INPP4B: variants seen among roughly 807,000 people sequenced by gnomAD.
INPP4B encodes inositol polyphosphate-4-phosphatase type II B.
INPP4B carries 55 observed loss-of-function variants against 122.5 expected under a neutral mutation model. The ratio of observed to expected loss-of-function variants is 0.45; its 90% CI spans 0.36 to 0.56. The LOEUF is 0.56. INPP4B is among the 20% of genes least tolerant of loss of function. The pLI, the probability that INPP4B is intolerant of heterozygous loss-of-function variation, is 0.00. For synonymous variants in INPP4B, 403 were observed against 388.7 expected, an observed-to-expected ratio of 1.04 and a Z score of -0.43; for missense variants, 1,000 against 1,097.7, an observed-to-expected ratio of 0.91 and a Z score of 1.26.
At chr4:142,490,582 C>A (rs1427986279) in intron 2 of INPP4B, among the ~76,000 whole-genome samples, 1 of 151,966 alleles carries the variant, frequency 6.6e-6, no homozygotes, top group Admixed American at 6.6e-5. Flanking sequence ...ATAATTTTAG[C>A]AATTTTCAAG....
intron 18 of INPP4B, among the ~76,000 whole-genome samples, chr4:142,137,792 C>T (rs1306255509): frequency 2.6e-5 from 4 of 151,696 alleles, no homozygotes; most frequent in African/African-American, 4.8e-5. Context: ...AAAATGCTCA[C>T]CATCACTGGC....
At chr4:142,525,400 T>C (rs899640291) in intron 2 of INPP4B, among the ~76,000 whole-genome samples, 1 of 133,276 alleles carries the variant, frequency 7.5e-6, no homozygotes, top group Non-Finnish European at 1.7e-5. Context: ...TTAAAGTTCA[T>C]ATGGAACCAA....
rs183343789 is a variant in INPP4B at position 142,245,875 on chromosome 4, T to C, written c.689-7864A>G. Among the ~76,000 whole-genome samples the C allele has an allele frequency of 3.6e-3, 75 of 20,914 alleles. 1 individual carries two copies. The highest frequency in any genetic ancestry group is 7.8e-3 in the African/African-American group (72 of 9,208). The allele number at this position is 20,914 out of a possible 152,430, so 13.7% of individuals were successfully genotyped here. ...GTATACATATATGTGTATGTATACATATATATGTGTATGTATACATATATG... is the reference window on the plus strand; with the variant it reads ...GTATACATATATGTGTATGTATACACATATATGTGTATGTATACATATATG... On this transcript the variant is annotated intron_variant, in intron 11 of 25. Transcript: ENST00000262992.
intron 2 of INPP4B, among the ~76,000 whole-genome samples, chr4:142,603,031 TG>T (rs1457523752): frequency 1.2e-4 from 18 of 152,110 alleles, no homozygotes; most frequent in African/African-American, 4.3e-4. Context: ...ATATACACCA[TG>T]GAATACTACA....
chr4:142,384,029 A>G, intron 7 of INPP4B: 1 of 700,506 alleles, frequency 1.4e-6, no homozygotes, highest in East Asian at 2.7e-5. Context: ...AGACATTTGA[A>G]CAGGTGACTG....
At chr4:142,767,697 G>A (rs914642988) in intron 1 of INPP4B, 4 of 152,156 alleles carry the variant, frequency 2.6e-5, no homozygotes, top group Admixed American at 6.5e-5. Flanking sequence ...GTGAGACAGA[G>A]CTACAATAGG....
At chr4:142,637,956 C>A (rs567785469) in intron 2 of INPP4B, among the ~76,000 whole-genome samples, 1 of 152,258 alleles carries the variant, frequency 6.6e-6, no homozygotes, top group Admixed American at 6.5e-5. Context: ...ATGATGTTGA[C>A]CATCTTTTTA....
chr4:142,645,791 T>C (rs1259935582), intron 2 of INPP4B, among the ~76,000 whole-genome samples: 1 of 152,068 alleles, frequency 6.6e-6, no homozygotes, highest in Non-Finnish European at 1.5e-5. Flanking sequence ...GTTTCTTTTT[T>C]CCCCCCAAAA....
chr4:142,618,548 G>A (rs1399005347), intron 2 of INPP4B, among the ~76,000 whole-genome samples: 1 of 151,822 alleles, frequency 6.6e-6, no homozygotes, highest in Non-Finnish European at 1.5e-5. Context: ...AAATAAAACT[G>A]GACCCTTTTC....
chr4:142,664,178 C>T (rs909201816), intron 2 of INPP4B, among the ~76,000 whole-genome samples: 1 of 152,096 alleles, frequency 6.6e-6, no homozygotes, highest in Admixed American at 6.5e-5. Context: ...TAGATTTTCC[C>T]TACTCACCAA....
chr4:142,086,279 G>T (rs755257021), intron 23 of INPP4B, 23 bp from the exon 24 acceptor site: 1 of 1,284,268 alleles, frequency 7.8e-7, no homozygotes, highest in Non-Finnish European at 1.1e-6. Flanking sequence ...AAACAAAGGA[G>T]AAAAATAAAA....
At chr4:142,040,097 G>A (rs1321309376) in intron 25 of INPP4B, among the ~76,000 whole-genome samples, 12 of 151,498 alleles carry the variant, frequency 7.9e-5, no homozygotes, top group Admixed American at 7.9e-4. Flanking sequence ...AAACAGAAAA[G>A]AAAAAGAAGG....
At chr4:142,576,569 T>C (rs11723318) in intron 2 of INPP4B, among the ~76,000 whole-genome samples, 22,030 of 151,770 alleles carry the variant, frequency 0.15, 1,657 homozygotes, top group African/African-American at 0.17. Flanking sequence ...AAAGTAGAAA[T>C]ACCAAAGCCA....
At chr4:142,431,696 A>G (rs1809341100) in intron 3 of INPP4B, among the ~76,000 whole-genome samples, 1 of 152,180 alleles carries the variant, frequency 6.6e-6, no homozygotes, top group Admixed American at 6.6e-5. Flanking sequence ...AACCTAATTT[A>G]GCAGCAAGAG....
chr4:142,092,443 A>G (rs1245436970), intron 23 of INPP4B, among the ~76,000 whole-genome samples: 1 of 152,100 alleles, frequency 6.6e-6, no homozygotes, highest in Non-Finnish European at 1.5e-5. Context: ...GGCACCCGCC[A>G]TCATGCCTGG....
At chr4:142,214,415 C>T (rs1005245060) in intron 12 of INPP4B, among the ~76,000 whole-genome samples, 13 of 152,152 alleles carry the variant, frequency 8.5e-5, no homozygotes, top group Non-Finnish European at 8.8e-5. Flanking sequence ...CCTTCTTGAA[C>T]GGGCCCCACT....
intron 25 of INPP4B, among the ~76,000 whole-genome samples, chr4:142,033,883 T>C (rs1352240050): frequency 6.6e-6 from 1 of 151,976 alleles, no homozygotes; most frequent in Non-Finnish European, 1.5e-5. Context: ...CCCAGGCTTT[T>C]CTCGAACTCC....
chr4:142,041,795 T>C (rs1747733656), intron 25 of INPP4B, among the ~76,000 whole-genome samples: 1 of 152,218 alleles, frequency 6.6e-6, no homozygotes, highest in Non-Finnish European at 1.5e-5. Flanking sequence ...ATATTTTATT[T>C]AGTTCAAACA....
At chr4:142,314,200 T>C (rs989770190) in intron 8 of INPP4B, among the ~76,000 whole-genome samples, 11 of 152,206 alleles carry the variant, frequency 7.2e-5, no homozygotes, top group African/African-American at 2.7e-4. Context: ...TGTTCTTCTC[T>C]AAATTCTGAA....
Sources: gnomAD v4.1 joint callset for allele counts (sites outside exome capture counted in the v4.1 genomes callset) on GRCh38, gnomAD v4.1.1 for gene constraint, MANE v1.5 for transcripts, NCBI Gene and HGNC (gene_info 2026-07-23, HGNC 2026-07-21) for gene names.